OSGEPL1: variants seen among roughly 807,000 people sequenced by gnomAD.
OSGEPL1 encodes the protein O-sialoglycoprotein endopeptidase like 1.
OSGEPL1 carries 26 observed loss-of-function variants against 37.2 expected under a neutral mutation model. The ratio of observed to expected loss-of-function variants is 0.70; its 90% CI spans 0.51 to 0.97. OSGEPL1 has a LOEUF of 0.97. OSGEPL1 is among the 50% of genes least tolerant of loss of function. OSGEPL1 has a pLI of 0.00. For synonymous variants in OSGEPL1, 140 were observed against 159.9 expected (o/e 0.88, Z 0.94); for missense variants, 404 against 487.0 (o/e 0.83, Z 1.60).
chr2:189,760,559 G>A (rs1172099576), intron 2 of OSGEPL1, among the ~76,000 whole-genome samples: 2 of 152,216 alleles, frequency 1.3e-5, no homozygotes, highest in Non-Finnish European at 2.9e-5. Flanking sequence ...TTGGGAGGCC[G>A]AGGTAGGTGG....
Position 189,752,830 on chromosome 2 carries a change from C to T in OSGEPL1, c.1094+19G>A, listed in dbSNP as rs745578409. On this transcript the variant is annotated intron_variant, in intron 6 of 8. Transcript: ENST00000264151. ...TATTTACATAGTTATGAGTGAAGCA[C>T]GTATATCCTGTGGCTTACCATGCAA... 5 of 1,613,326 alleles carry T rather than the reference C, an allele frequency of 3.1e-6. No individual in the cohort carries two copies. The highest frequency in any genetic ancestry group is 1.7e-5 in the Admixed American group (1 of 59,958).
chr2:189,754,117 C>A, intron 4 of OSGEPL1, 24 bp downstream of exon 4: 1 of 1,611,734 alleles, frequency 6.2e-7, no homozygotes, highest in South Asian at 1.1e-5. Flanking sequence ...TTTATCTGTT[C>A]AACTTTACTA....
intron 3 of OSGEPL1, chr2:189,754,578 T>C (rs1247395087): frequency 4.2e-6 from 2 of 472,938 alleles, no homozygotes; most frequent in East Asian, 6.9e-5. Context: ...ATGTTTGCTC[T>C]TCTATTGGTT....
At chr2:189,754,498 T>G in intron 3 of OSGEPL1, 153 bp from the exon 4 acceptor site, 1 of 686,062 alleles carries the variant, frequency 1.5e-6, no homozygotes, top group Non-Finnish European at 2.4e-6. Context: ...ATAGCTGATA[T>G]TCAGGTAAGC....
intron 1 of OSGEPL1, 43 bp downstream of exon 1, chr2:189,762,642 C>A: frequency 1.0e-6 from 1 of 985,388 alleles, no homozygotes; most frequent in Non-Finnish European, 1.2e-6. Context: ...TTTCCAGGTG[C>A]GCAAAAGCGT....
At position 189,755,284 on chromosome 2, in the gene OSGEPL1, T is replaced by G. The variant is rs781750325; in HGVS notation, c.498A>C (p.Leu166Phe). The G allele has an allele frequency of 4.3e-6, 7 of 1,613,224 alleles. No individual in the cohort carries two copies. Among genetic ancestry groups the G allele is most frequent in the Non-Finnish European group, 5.9e-6 (7 of 1,179,668 alleles). Residue 166 changes from leucine to phenylalanine, a missense_variant, in exon 3 of 9, where the codon TTA (leucine) becomes TTC (phenylalanine). Leu to Phe is a conservative substitution (Grantham distance 22). Coordinates refer to ENST00000264151, the MANE Select transcript of OSGEPL1 (RefSeq NM_022353.3). ...RLTNKVEFPFLVLLISGGHCL... is the reference protein window; with the variant it reads ...RLTNKVEFPFFVLLISGGHCL... Reference sequence around the variant, plus strand: ...AGTGACCTCCAGAAATCAAAAGAACTAAAAAAGGAAATTCTACTTTATTGG... The same window carrying G: ...AGTGACCTCCAGAAATCAAAAGAACGAAAAAAGGAAATTCTACTTTATTGG...
Position 189,761,549 on chromosome 2 carries a change from C to T in OSGEPL1, c.92G>A (p.Gly31Glu), listed in dbSNP as rs780766000. ...EFLRSFNFHPGTLFLHKIVLG... is the reference protein window; with the variant it reads ...EFLRSFNFHPETLFLHKIVLG... ...TACTATTTTATGAAGAAATAGTGTT[C>T]CAGGATGAAAATTAAAACTTCTTAA... Residue 31 changes from glycine to glutamate, a missense_variant, in exon 2 of 9, where the codon GGA becomes GAA. Transcript: ENST00000264151. 2.5e-6 allele frequency: 4 copies of T among 1,611,086 alleles called. No homozygotes were observed. The South Asian group carries it at 3.3e-5, about 13-fold the overall frequency.
upstream of OSGEPL1, chr2:189,763,155 GGT>G: frequency 1.0e-6 from 1 of 985,150 alleles, no homozygotes; most frequent in Non-Finnish European, 1.2e-6. Context: ...TAAACTTAGG[GGT>G]GAGGTACCTG....
At chr2:189,750,967 TA>T (rs2045088701) in intron 7 of OSGEPL1, among the ~76,000 whole-genome samples, 1 of 152,236 alleles carries the variant, frequency 6.6e-6, no homozygotes, top group South Asian at 2.1e-4. Flanking sequence ...TATAATTCTC[TA>T]CAAAGCTAAA....
At chr2:189,749,699 A>G (rs189531059) in intron 8 of OSGEPL1, among the ~76,000 whole-genome samples, 16 of 150,536 alleles carry the variant, frequency 1.1e-4, no homozygotes, top group African/African-American at 3.6e-4. Flanking sequence ...CAAATTATAT[A>G]GATTTTAAAA....
At chr2:189,757,294 G>C (rs899112667) in intron 2 of OSGEPL1, among the ~76,000 whole-genome samples, 1 of 152,196 alleles carries the variant, frequency 6.6e-6, no homozygotes, top group Non-Finnish European at 1.5e-5. Flanking sequence ...ATGTGGAATG[G>C]TGAGGGAGAA....
intron 8 of OSGEPL1, among the ~76,000 whole-genome samples, chr2:189,749,753 C>T (rs1014203429): frequency 6.6e-5 from 10 of 152,068 alleles, no homozygotes; most frequent in Non-Finnish European, 1.2e-4. Flanking sequence ...TACCTAATAA[C>T]GAACTCTTAA....
chr2:189,753,766 G>C (rs564691913), intron 5 of OSGEPL1, 150 bp downstream of exon 5: 2 of 820,838 alleles, frequency 2.4e-6, no homozygotes, highest in African/African-American at 1.7e-5. Flanking sequence ...AGAAATGGCT[G>C]TTAGTCTTTC....
chr2:189,750,599 T>C lies in OSGEPL1; in HGVS notation c.1224A>G (p.Pro408=). ...KEVGEASIKV[P]QLKMEI Reference sequence around the variant, plus strand: ...GAAATCATATCTCCATTTTTAATTGTGGTACTTTTATGGAAGCTTCTCCAA... The same window carrying C: ...GAAATCATATCTCCATTTTTAATTGCGGTACTTTTATGGAAGCTTCTCCAA... The change falls in exon 8 of 9, where the codon CCA becomes CCG. Residue 408 remains proline, a synonymous_variant. Transcript: ENST00000264151. The C allele has an allele frequency of 6.3e-7, 1 of 1,586,822 alleles. No individual in the cohort carries two copies. Among genetic ancestry groups the C allele is most frequent in the Non-Finnish European group, 8.6e-7 (1 of 1,163,462 alleles).
At chr2:189,756,926 C>T (rs16831975) in intron 2 of OSGEPL1, among the ~76,000 whole-genome samples, 5,143 of 152,262 alleles carry the variant, frequency 0.034, 297 homozygotes, top group African/African-American at 0.12. Flanking sequence ...TCCAAATTCT[C>T]TCCCTGCAAC....
Position 189,752,643 on chromosome 2 carries a change from T to C in OSGEPL1, c.1166+10A>G, listed in dbSNP as rs1320507126. 6.8e-6 allele frequency: 11 copies of C among 1,613,444 alleles called. No individual in the cohort carries two copies. The highest frequency in any genetic ancestry group is 5.9e-6 in the Non-Finnish European group (7 of 1,179,670). On this transcript the variant is annotated intron_variant, in intron 7 of 8. Transcript: ENST00000264151. ...TAACTTGCATAAAGATCATGAATGA[T>C]ACCACATACTTTGGTTCATAGCGGA...
At position 189,754,161 on chromosome 2, in the gene OSGEPL1, A is replaced by G. The variant is rs1160248823; in HGVS notation, c.794T>C (p.Met265Thr). 5 of 1,612,526 alleles carry G rather than the reference A, an allele frequency of 3.1e-6. No individual in the cohort carries two copies. Among genetic ancestry groups the G allele is most frequent in the Admixed American group, 3.3e-5 (2 of 59,724 alleles). The change falls in exon 4 of 9, where the codon ATG becomes ACG. Residue 265 changes from methionine (M) to threonine (T), a missense_variant. Physicochemically the swap from Met to Thr is moderately conservative, Grantham distance 81. Transcript: ENST00000264151. The stretch of plus-strand genomic sequence containing the variant: ...TATACCTTCCTCTTTTTCCTTTTTC[A>G]TTATTATTTTATCAGTAACGTGTTG... ...GLQHVTDKII[M>T]KKEKEEGIEK...
chr2:189,760,674 C>G (rs946385613), intron 2 of OSGEPL1, among the ~76,000 whole-genome samples: 1 of 148,310 alleles, frequency 6.7e-6, no homozygotes, highest in Non-Finnish European at 1.5e-5. Context: ...GCCTGTAATC[C>G]CAGCTACTTG....
chr2:189,750,452 A>AAT (rs2044992534), intron 8 of OSGEPL1, 98 bp downstream of exon 8: 1 of 507,726 alleles, frequency 2.0e-6, no homozygotes. Flanking sequence ...CATCAAATAG[A>AAT]AAAAAAAAAA....
Sources: gnomAD v4.1 joint callset for allele counts (sites outside exome capture counted in the v4.1 genomes callset) on GRCh38, gnomAD v4.1.1 for gene constraint, MANE v1.5 for transcripts, NCBI Gene and HGNC (gene_info 2026-07-23, HGNC 2026-07-21) for gene names.